The following SCFD2 variants were observed in gnomAD, a reference collection of about 807,000 sequenced individuals.
SCFD2 encodes the protein sec1 family domain containing 2.
SCFD2 carries 54 observed loss-of-function variants against 58.9 expected under a neutral mutation model. The ratio of observed to expected loss-of-function variants is 0.92; its 90% CI spans 0.74 to 1.15. The LOEUF is 1.15. Ranked by LOEUF, SCFD2 falls within the 50% of genes most tolerant of loss-of-function variation. The pLI is 0.00. For missense variants in SCFD2, 805 were observed against 836.6 expected (o/e 0.96, Z 0.47); for synonymous variants, 321 against 335.9 (o/e 0.96, Z 0.49).
chr4:52,937,276 G>A (rs1460742198), intron 5 of SCFD2, among the ~76,000 whole-genome samples: 4 of 152,190 alleles, frequency 2.6e-5, no homozygotes, highest in African/African-American at 9.6e-5. Context: ...CTGGCTGAGG[G>A]GTAGGGAATG....
intron 5 of SCFD2, among the ~76,000 whole-genome samples, chr4:53,029,507 T>C (rs1340998512): frequency 6.6e-6 from 1 of 152,244 alleles, no homozygotes; most frequent in African/African-American, 2.4e-5. Context: ...CGAGTTTCTA[T>C]AACTTGAATT....
chr4:53,340,741 G>A (rs764389974), intron 2 of SCFD2, among the ~76,000 whole-genome samples: 4 of 152,186 alleles, frequency 2.6e-5, no homozygotes, highest in Non-Finnish European at 4.4e-5. Context: ...TCACACAGCT[G>A]GGTGCCTCTC....
At chr4:53,319,624 C>A (rs1410007155) in intron 2 of SCFD2, among the ~76,000 whole-genome samples, 1 of 151,920 alleles carries the variant, frequency 6.6e-6, no homozygotes. Context: ...CCTCCACCTT[C>A]GGGTTCCAGT....
rs1347333655 is a variant in SCFD2 at position 52,873,886 on chromosome 4, G to A, written c.*83C>T. ...CTCGCAATTAGTGACAGGGACGCTG[G>A]TTGTGGAGGAGTATTTGGAGTGGTG... On this transcript the variant is annotated 3_prime_UTR_variant, in exon 9 of 9. Transcript: ENST00000401642. The A allele has an allele frequency of 2.1e-6, 2 of 943,888 alleles. No individual in the cohort carries two copies. Among genetic ancestry groups the A allele is most frequent in the Middle Eastern group, 2.2e-4 (1 of 4,576 alleles). The allele number at this position is 943,888 out of a possible 1,614,324, so 58.5% of individuals were successfully genotyped here.
At chr4:53,239,963 G>A (rs1729843524) in intron 4 of SCFD2, among the ~76,000 whole-genome samples, 1 of 152,180 alleles carries the variant, frequency 6.6e-6, no homozygotes, top group Non-Finnish European at 1.5e-5. Context: ...AGAAAGTTCA[G>A]TGTTGCTGAA....
At chr4:53,248,453 C>G (rs1212991165) in intron 4 of SCFD2, among the ~76,000 whole-genome samples, 1 of 152,216 alleles carries the variant, frequency 6.6e-6, no homozygotes, top group East Asian at 1.9e-4. Flanking sequence ...CCTCTGTAGG[C>G]TCCACCTCTA....
chr4:52,949,619 T>A (rs1259147353), intron 5 of SCFD2: 1 of 152,190 alleles, frequency 6.6e-6, no homozygotes, highest in Admixed American at 6.6e-5. Flanking sequence ...CACAGAGAAA[T>A]CAGTTCCTCC....
intron 7 of SCFD2, among the ~76,000 whole-genome samples, chr4:52,897,954 T>C (rs1188543292): frequency 2.0e-5 from 3 of 152,228 alleles, no homozygotes; most frequent in Admixed American, 1.3e-4. Flanking sequence ...GAGGTGTTTA[T>C]AGTATTCTCT....
At chr4:53,249,916 C>T (rs1730290074) in intron 4 of SCFD2, among the ~76,000 whole-genome samples, 1 of 152,292 alleles carries the variant, frequency 6.6e-6, no homozygotes, top group Admixed American at 6.5e-5. Flanking sequence ...AACCAGCTAA[C>T]ATCATAATGA....
chr4:53,226,746 A>T (rs1038377656), intron 4 of SCFD2, among the ~76,000 whole-genome samples: 4 of 152,150 alleles, frequency 2.6e-5, no homozygotes, highest in African/African-American at 9.7e-5. Context: ...CAGCACCAAA[A>T]AAAGGCAGCT....
intron 5 of SCFD2, among the ~76,000 whole-genome samples, chr4:53,009,086 A>G (rs532835586): frequency 6.6e-6 from 1 of 152,274 alleles, no homozygotes; most frequent in South Asian, 2.1e-4. Context: ...CGAACTTGCC[A>G]TCTTCCATAA....
chr4:53,249,263 A>C (rs1294432226), intron 4 of SCFD2, among the ~76,000 whole-genome samples: 1 of 152,118 alleles, frequency 6.6e-6, no homozygotes, highest in East Asian at 1.9e-4. Flanking sequence ...AGAAAAAAGA[A>C]CAAAAAGAAA....
intron 3 of SCFD2, among the ~76,000 whole-genome samples, chr4:53,306,324 T>A (rs1173492776): frequency 6.6e-6 from 1 of 151,878 alleles, no homozygotes; most frequent in African/African-American, 2.4e-5. Flanking sequence ...AAACTAGAAG[T>A]AACAGAAGGC....
At chr4:53,287,243 C>G (rs1731698114) in intron 3 of SCFD2, among the ~76,000 whole-genome samples, 1 of 152,128 alleles carries the variant, frequency 6.6e-6, no homozygotes, top group South Asian at 2.1e-4. Context: ...GAGTTCTGAA[C>G]CCCAGCTCCA....
chr4:53,005,106 C>T lies in SCFD2; in HGVS notation c.1562-84236G>A, dbSNP rs144117032. Among the ~76,000 whole-genome samples, 745 of 152,192 alleles carry T rather than the reference C, an allele frequency of 4.9e-3. 13 individuals are homozygous for T. Among genetic ancestry groups the T allele is most frequent in the African/African-American group, 0.017 (715 of 41,510 alleles). ...AGAGACGGGGTTTCACTATGTTAGC[C>T]AGGCTGGTCTCGAACTCCTGACCTC... On this transcript the variant is annotated intron_variant, in intron 5 of 8. Coordinates refer to ENST00000401642, the MANE Select transcript of SCFD2 (RefSeq NM_152540.4).
At chr4:53,096,392 T>A (rs538243195) in intron 5 of SCFD2, among the ~76,000 whole-genome samples, 384 of 152,362 alleles carry the variant, frequency 2.5e-3, no homozygotes, top group African/African-American at 8.8e-3. Context: ...GTTTCCTGAC[T>A]TTTTAATGAT....
intron 5 of SCFD2, among the ~76,000 whole-genome samples, chr4:52,921,296 C>G (rs958522040): frequency 5.3e-5 from 8 of 152,182 alleles, no homozygotes; most frequent in African/African-American, 1.9e-4. Context: ...TAAAGCAGGA[C>G]AGCAAGAATG....
At chr4:53,328,583 A>G (rs571591275) in intron 2 of SCFD2, among the ~76,000 whole-genome samples, 1 of 152,358 alleles carries the variant, frequency 6.6e-6, no homozygotes, top group Admixed American at 6.5e-5. Flanking sequence ...ATACACATAA[A>G]AAATACATAT....
intron 5 of SCFD2, among the ~76,000 whole-genome samples, chr4:53,103,320 A>T (rs1280313181): frequency 2.0e-5 from 3 of 152,014 alleles, no homozygotes; most frequent in Non-Finnish European, 2.9e-5. Flanking sequence ...GAATCTAAAC[A>T]AATAAATGGA....
Sources: gnomAD v4.1 joint callset for allele counts (sites outside exome capture counted in the v4.1 genomes callset) on GRCh38, gnomAD v4.1.1 for gene constraint, MANE v1.5 for transcripts, NCBI Gene and HGNC (gene_info 2026-07-23, HGNC 2026-07-21) for gene names.